SENP7: variants seen among roughly 807,000 people sequenced by gnomAD.
SENP7 encodes SUMO specific peptidase 7.
SENP7 carries 64 observed loss-of-function variants against 141.2 expected under a neutral mutation model. The observed-to-expected ratio is 0.45, with a 90% CI of 0.37 to 0.56. The LOEUF (loss-of-function observed/expected upper bound fraction) is 0.56, where lower values mean the gene tolerates loss of function less well. Ranked by LOEUF, SENP7 falls within the 20% of genes least tolerant of loss-of-function variation. SENP7 has a pLI of 0.00. For missense variants in SENP7, 1,025 were observed against 1,212.2 expected (o/e 0.85, Z 2.29); for synonymous variants, 382 against 426.4 (o/e 0.90, Z 1.28).
intron 4 of SENP7, among the ~76,000 whole-genome samples, chr3:101,420,884 C>T (rs1240925730): frequency 6.6e-6 from 1 of 152,122 alleles, no homozygotes; most frequent in Admixed American, 6.6e-5. Context: ...CAGGTGGGAA[C>T]TCTTCTAGAT....
At chr3:101,422,009 C>A (rs1409689971) in intron 4 of SENP7, among the ~76,000 whole-genome samples, 1 of 152,212 alleles carries the variant, frequency 6.6e-6, no homozygotes, top group Non-Finnish European at 1.5e-5. Flanking sequence ...TTGTACCAGT[C>A]TGTGGTCTGT....
At chr3:101,409,070 G>T (rs563831822) in intron 5 of SENP7, among the ~76,000 whole-genome samples, 1 of 152,224 alleles carries the variant, frequency 6.6e-6, no homozygotes, top group South Asian at 2.1e-4. Context: ...ACTGATAAAA[G>T]AATTCGGTAA....
chr3:101,468,511 C>T (rs922937525), intron 3 of SENP7, among the ~76,000 whole-genome samples: 1 of 152,110 alleles, frequency 6.6e-6, no homozygotes, highest in Non-Finnish European at 1.5e-5. Context: ...GTGGATCTCT[C>T]GGAAGAAACC....
At chr3:101,397,088 C>A (rs1376918597) in intron 6 of SENP7, among the ~76,000 whole-genome samples, 1 of 152,236 alleles carries the variant, frequency 6.6e-6, no homozygotes, top group Non-Finnish European at 1.5e-5. Flanking sequence ...GATGATCCAC[C>A]CGCCTCAGCC....
chr3:101,431,950 GC>G (rs1353802662), intron 4 of SENP7, among the ~76,000 whole-genome samples: 1 of 152,164 alleles, frequency 6.6e-6, no homozygotes, highest in African/African-American at 2.4e-5. Context: ...TTTGGTACCA[GC>G]ATGGCCACAG....
chr3:101,500,982 TA>T (rs1400087226), intron 2 of SENP7, 87 bp downstream of exon 2: 1 of 926,642 alleles, frequency 1.1e-6, no homozygotes, highest in African/African-American at 1.7e-5. Context: ...CTGTTTTCTT[TA>T]AAATGTTATT....
chr3:101,411,812 T>C (rs1036808965), intron 5 of SENP7, among the ~76,000 whole-genome samples: 9 of 152,228 alleles, frequency 5.9e-5, no homozygotes, highest in African/African-American at 1.9e-4. Flanking sequence ...AGGTATTATT[T>C]ATTTAATTTT....
At chr3:101,422,163 A>C (rs1293546970) in intron 4 of SENP7, among the ~76,000 whole-genome samples, 2 of 152,128 alleles carry the variant, frequency 1.3e-5, no homozygotes, top group Non-Finnish European at 2.9e-5. Flanking sequence ...GAGGGATCTA[A>C]CTTGTGCACT....
At chr3:101,459,930 A>G (rs2063494985) in intron 3 of SENP7, among the ~76,000 whole-genome samples, 1 of 152,186 alleles carries the variant, frequency 6.6e-6, no homozygotes, top group African/African-American at 2.4e-5. Flanking sequence ...AAAAAATTCC[A>G]CTTACAATAG....
At chr3:101,441,853 A>ACGAAGCC (rs2062687480) in intron 4 of SENP7, among the ~76,000 whole-genome samples, 1 of 152,186 alleles carries the variant, frequency 6.6e-6, no homozygotes, top group Non-Finnish European at 1.5e-5. Flanking sequence ...GAAACCACAG[A>ACGAAGCC]TTCACTTCCT....
At chr3:101,335,977 T>C (rs2107148375) in intron 17 of SENP7, among the ~76,000 whole-genome samples, 1 of 152,302 alleles carries the variant, frequency 6.6e-6, no homozygotes, top group Middle Eastern at 3.4e-3. Flanking sequence ...TCCCAGTTTG[T>C]CTAGAAAAGC....
chr3:101,419,759 TAA>T (rs1299369091), intron 4 of SENP7, among the ~76,000 whole-genome samples: 4 of 152,178 alleles, frequency 2.6e-5, no homozygotes, highest in Non-Finnish European at 5.9e-5. Flanking sequence ...ATTAACACAG[TAA>T]GTTTCCCAAG....
At chr3:101,401,967 G>C (rs1025006341) in intron 5 of SENP7, among the ~76,000 whole-genome samples, 3 of 147,212 alleles carry the variant, frequency 2.0e-5, no homozygotes, top group Non-Finnish European at 4.5e-5. Context: ...AAGCTGAAAT[G>C]AGTCATGCTG....
intron 4 of SENP7, among the ~76,000 whole-genome samples, chr3:101,429,684 T>C (rs570783562): frequency 6.6e-6 from 1 of 152,298 alleles, no homozygotes; most frequent in African/African-American, 2.4e-5. Flanking sequence ...CCTTTATTTC[T>C]TTCTCTTGCC....
At position 101,417,666 on chromosome 3, in the gene SENP7, A is replaced by G. The variant is rs1394812227; in HGVS notation, c.409T>C (p.Ser137Pro). 1.2e-6 allele frequency: 2 copies of G among 1,613,856 alleles called. No homozygotes were observed. The highest frequency in any genetic ancestry group is 2.7e-5 in the African/African-American group (2 of 74,950). ...GTCTCTAGGCTGTCAACAGATGTCG[A>G]AGGCAATGAGTCTGATTGCACCTTG... ...ANKVQSDSLP[S>P]TSVDSLETCQ... Residue 137 changes from serine (S) to proline (P), a missense_variant, in exon 5 of 24, where the codon TCG (serine) becomes CCG (proline). Ser to Pro is a moderately conservative substitution (Grantham distance 74). Coordinates refer to ENST00000394095, the MANE Select transcript of SENP7 (RefSeq NM_020654.5).
intron 4 of SENP7, among the ~76,000 whole-genome samples, chr3:101,447,011 AG>A (rs2062922740): frequency 6.6e-6 from 1 of 152,204 alleles, no homozygotes; most frequent in South Asian, 2.1e-4. Context: ...AGACCAACCA[AG>A]AAAAAAAGAC....
At chr3:101,499,458 T>A (rs1425290218) in intron 2 of SENP7, among the ~76,000 whole-genome samples, 1 of 151,742 alleles carries the variant, frequency 6.6e-6, no homozygotes, top group Non-Finnish European at 1.5e-5. Context: ...AACCTCTGCC[T>A]CCCGGGTTCA....
intron 4 of SENP7, among the ~76,000 whole-genome samples, chr3:101,420,876 G>A (rs1322957433): frequency 6.6e-6 from 1 of 152,142 alleles, no homozygotes; most frequent in Non-Finnish European, 1.5e-5. Flanking sequence ...GGGCAGAGCA[G>A]GTGGGAACTC....
intron 4 of SENP7, among the ~76,000 whole-genome samples, chr3:101,418,879 AT>A (rs2061701659): frequency 6.6e-6 from 1 of 152,196 alleles, no homozygotes; most frequent in Non-Finnish European, 1.5e-5. Context: ...TGGATCAATA[AT>A]AATTCATTCT....
Sources: gnomAD v4.1 joint callset for allele counts (sites outside exome capture counted in the v4.1 genomes callset) on GRCh38, gnomAD v4.1.1 for gene constraint, MANE v1.5 for transcripts, NCBI Gene and HGNC (gene_info 2026-07-23, HGNC 2026-07-21) for gene names.